The following BNC2 variants were observed in gnomAD, a reference collection of about 807,000 sequenced individuals.
BNC2 encodes the protein basonuclin zinc finger protein 2.
A neutral mutation model predicts 76.3 loss-of-function variants in BNC2; 20 were observed. The observed-to-expected ratio is 0.26, with a 90% CI of 0.18 to 0.38. BNC2 has a LOEUF of 0.38. Among genes scored for constraint, BNC2 ranks in the 10% least tolerant of loss-of-function variants. The pLI, the probability that BNC2 is intolerant of heterozygous loss-of-function variation, is 1.00. For synonymous variants in BNC2, 582 were observed against 514.8 expected, an observed-to-expected ratio of 1.13 and a Z score of -1.77; for missense variants, 1,382 against 1,399.8, an observed-to-expected ratio of 0.99 and a Z score of 0.20.
intron 1 of BNC2, among the ~76,000 whole-genome samples, chr9:16,804,393 C>G (rs1230232309): frequency 6.6e-6 from 1 of 152,204 alleles, no homozygotes; most frequent in Non-Finnish European, 1.5e-5. Context: ...GTGGTCACAG[C>G]TAGAAAGCTG....
chr9:16,867,582 T>A (rs1243863260), intron 1 of BNC2: 3 of 152,126 alleles, frequency 2.0e-5, no homozygotes, highest in Non-Finnish European at 4.4e-5. Flanking sequence ...AACCCTTAAC[T>A]GTAAAATTAA....
intron 3 of BNC2, among the ~76,000 whole-genome samples, chr9:16,627,836 C>A (rs926024917): frequency 6.6e-6 from 1 of 151,972 alleles, no homozygotes; most frequent in Admixed American, 6.6e-5. Flanking sequence ...GGGGTTTAAA[C>A]GGATCATAAT....
At chr9:16,857,369 C>A (rs1326900169) in intron 1 of BNC2, among the ~76,000 whole-genome samples, 4 of 150,498 alleles carry the variant, frequency 2.7e-5, no homozygotes, top group Non-Finnish European at 5.9e-5. Flanking sequence ...CCCAGCTACT[C>A]GGGAGGCTAA....
At chr9:16,557,049 TTG>T (rs891362670) in intron 4 of BNC2, among the ~76,000 whole-genome samples, 16 of 152,138 alleles carry the variant, frequency 1.1e-4, no homozygotes, top group African/African-American at 3.6e-4. Flanking sequence ...GGTCTGGATC[TTG>T]TAGGGTTAGG....
intron 1 of BNC2, among the ~76,000 whole-genome samples, chr9:16,766,182 T>C (rs987081865): frequency 1.3e-5 from 2 of 152,226 alleles, no homozygotes; most frequent in African/African-American, 4.8e-5. Context: ...TCTTCACTTT[T>C]AGTGCTTTCT....
In BNC2 at chr9:16,416,036, C is replaced by G. The variant is rs755316742; in HGVS notation, c.*2953G>C. 12 of 152,182 alleles carry G rather than the reference C, an allele frequency of 7.9e-5. 1 individual carries two copies. Among genetic ancestry groups the G allele is most frequent in the Admixed American group, 2.6e-4 (4 of 15,278 alleles). The allele number at this position is 152,182 out of a possible 1,614,324, so 9.4% of individuals were successfully genotyped here. A position where few individuals can be genotyped will look rare whatever the true frequency, so the allele number is the denominator to read the frequency against. On this transcript the variant is annotated 3_prime_UTR_variant, in exon 7 of 7. Transcript: ENST00000380672. ...TTTTCTAACTGGCTATACACATTAGCTTGGTTTGCAGCAAGTAACAAACAT... is the reference window on the plus strand; with the variant it reads ...TTTTCTAACTGGCTATACACATTAGGTTGGTTTGCAGCAAGTAACAAACAT...
rs1554724021 is a variant in BNC2, at chr9:16,757,724, G to GAA, written c.4-19241_4-19240dup. 2.6e-4 allele frequency among the ~76,000 whole-genome samples: 29 copies of GAA among 109,872 alleles called. 1 individual carries two copies. The highest frequency in any genetic ancestry group is 6.7e-4 in the South Asian group (3 of 4,480). 72.1% of individuals were successfully genotyped at this position (109,872 alleles called of 152,430 possible). ...GCAAAGCAACCCTTGATTTTAAAAA[G>GAA]AAAAAAAAAAAGCATACTTGCAAGG... On this transcript the variant is annotated intron_variant, in intron 1 of 6. Coordinates refer to ENST00000380672, the MANE Select transcript of BNC2 (RefSeq NM_017637.6).
At chr9:16,510,397 C>A (rs575073006) in intron 5 of BNC2, among the ~76,000 whole-genome samples, 1 of 152,288 alleles carries the variant, frequency 6.6e-6, no homozygotes, top group East Asian at 1.9e-4. Flanking sequence ...CCACTTAACG[C>A]CCCTCTGTAA....
At chr9:16,866,054 T>A (rs940284267) in intron 1 of BNC2, among the ~76,000 whole-genome samples, 2 of 152,162 alleles carry the variant, frequency 1.3e-5, no homozygotes, top group African/African-American at 4.8e-5. Flanking sequence ...GATTATATTA[T>A]TTACTTAAAT....
intron 1 of BNC2, among the ~76,000 whole-genome samples, chr9:16,766,342 C>T (rs889486648): frequency 1.3e-5 from 2 of 152,088 alleles, no homozygotes; most frequent in Non-Finnish European, 2.9e-5. Flanking sequence ...CCTCATTCTG[C>T]AGCTCTGAAC....
At chr9:16,834,990 T>A (rs1218853407) in intron 1 of BNC2, among the ~76,000 whole-genome samples, 1 of 152,204 alleles carries the variant, frequency 6.6e-6, no homozygotes, top group East Asian at 1.9e-4. Context: ...GTCATGGATA[T>A]CCACGGGTAC....
intron 1 of BNC2, among the ~76,000 whole-genome samples, chr9:16,860,837 G>A (rs1248983789): frequency 6.6e-6 from 1 of 152,154 alleles, no homozygotes; most frequent in African/African-American, 2.4e-5. Flanking sequence ...GAGGCCAGGA[G>A]TTTAAAGAGA....
chr9:16,503,060 G>A (rs1260474199), intron 5 of BNC2, among the ~76,000 whole-genome samples: 2 of 152,164 alleles, frequency 1.3e-5, no homozygotes, highest in South Asian at 4.1e-4. Flanking sequence ...CTCTTGCCCT[G>A]AGATAAATTT....
At chr9:16,813,153 G>A (rs932604470) in intron 1 of BNC2, among the ~76,000 whole-genome samples, 1 of 152,086 alleles carries the variant, frequency 6.6e-6, no homozygotes, top group Non-Finnish European at 1.5e-5. Flanking sequence ...AGCTGAGATG[G>A]CGCCACTGCA....
intron 3 of BNC2, among the ~76,000 whole-genome samples, chr9:16,683,948 A>C (rs970670616): frequency 6.6e-6 from 1 of 152,180 alleles, no homozygotes; most frequent in African/African-American, 2.4e-5. Context: ...TTGTCCAGGA[A>C]CTTAGTCTTC....
chr9:16,603,546 T>C (rs193111096), intron 3 of BNC2, among the ~76,000 whole-genome samples: 11 of 152,270 alleles, frequency 7.2e-5, no homozygotes, highest in Admixed American at 2.0e-4. Context: ...GCTAAACATA[T>C]AGTACATAAA....
At chr9:16,861,037 CA>C (rs11306929) in intron 1 of BNC2, among the ~76,000 whole-genome samples, 112,136 of 144,236 alleles carry the variant, frequency 0.78, 44,223 homozygotes, top group Middle Eastern at 0.87. Flanking sequence ...GACTCTGTCT[CA>C]AAAAAAAAAA....
At chr9:16,506,219 C>T (rs1357646158) in intron 5 of BNC2, among the ~76,000 whole-genome samples, 1 of 152,124 alleles carries the variant, frequency 6.6e-6, no homozygotes, top group Non-Finnish European at 1.5e-5. Flanking sequence ...ACAGGCATAA[C>T]AAGTTTTTAG....
intron 1 of BNC2, among the ~76,000 whole-genome samples, chr9:16,788,409 C>T (rs1053718078): frequency 4.0e-5 from 6 of 151,844 alleles, no homozygotes; most frequent in African/African-American, 9.7e-5. Flanking sequence ...AAAAATTAGC[C>T]GGGCGTGGTG....
Sources: allele counts gnomAD v4.1 joint callset (sites outside exome capture counted in the v4.1 genomes callset), GRCh38; gene constraint gnomAD v4.1.1; transcripts MANE v1.5; gene names NCBI Gene and HGNC (gene_info 2026-07-23, HGNC 2026-07-21).